FNDC3B: variants seen among roughly 807,000 people sequenced by gnomAD.
The protein encoded by FNDC3B is fibronectin type III domain containing 3B, also known as fibronectin type III domain-containing protein 3B.
FNDC3B carries 12 observed loss-of-function variants against 151.5 expected under a neutral mutation model. That is an observed-to-expected ratio of 0.08 (90% confidence interval 0.05 to 0.13). FNDC3B has a LOEUF of 0.13. FNDC3B is among the 10% of genes least tolerant of loss of function. The probability of loss-of-function intolerance (pLI) is 1.00; values close to 1 mark genes in which losing one functional copy is unlikely to be tolerated. For synonymous variants in FNDC3B, 528 were observed against 549.0 expected, an observed-to-expected ratio of 0.96 and a Z score of 0.54; for missense variants, 1,214 against 1,505.3, an observed-to-expected ratio of 0.81 and a Z score of 3.20.
At chr3:172,365,590 T>A (rs1734582100) in intron 23 of FNDC3B, among the ~76,000 whole-genome samples, 1 of 152,184 alleles carries the variant, frequency 6.6e-6, no homozygotes, top group Non-Finnish European at 1.5e-5. Context: ...ACTTTTATGT[T>A]GAAAGGATTT....
At chr3:172,053,546 C>T (rs1222178374) in intron 1 of FNDC3B, among the ~76,000 whole-genome samples, 2 of 152,118 alleles carry the variant, frequency 1.3e-5, no homozygotes, top group Admixed American at 6.5e-5. Context: ...CCAAGGCAGG[C>T]AGATCACCTG....
chr3:172,044,659 A>G (rs1716277021), intron 1 of FNDC3B, among the ~76,000 whole-genome samples: 1 of 152,196 alleles, frequency 6.6e-6, no homozygotes, highest in East Asian at 1.9e-4. Flanking sequence ...GGACCACTGT[A>G]CTATTTTCAA....
chr3:172,091,873 G>GGGGT (rs1553760105), intron 1 of FNDC3B, among the ~76,000 whole-genome samples: 5 of 124,756 alleles, frequency 4.0e-5, no homozygotes, highest in Admixed American at 1.7e-4. Flanking sequence ...ACTTTACTGG[G>GGGGT]GTGTGTGTGT....
intron 23 of FNDC3B, among the ~76,000 whole-genome samples, chr3:172,375,266 C>G (rs1735074738): frequency 6.6e-6 from 1 of 152,200 alleles, no homozygotes; most frequent in South Asian, 2.1e-4. Context: ...GATCATCTTG[C>G]ATCATTGCTC....
chr3:172,358,090 G>A (rs754770878), intron 22 of FNDC3B, among the ~76,000 whole-genome samples: 1 of 152,188 alleles, frequency 6.6e-6, no homozygotes, highest in Non-Finnish European at 1.5e-5. Context: ...CAGACACACA[G>A]GCCTTTGCAC....
At chr3:172,307,649 A>G in intron 10 of FNDC3B, 148 bp downstream of exon 10, 1 of 679,374 alleles carries the variant, frequency 1.5e-6, no homozygotes, top group South Asian at 1.8e-5. Context: ...AGCCATGATC[A>G]CGCCACTGCA....
intron 3 of FNDC3B, among the ~76,000 whole-genome samples, chr3:172,148,879 T>C (rs536348804): frequency 6.6e-6 from 1 of 152,328 alleles, no homozygotes; most frequent in South Asian, 2.1e-4. Flanking sequence ...GCGAATAGAA[T>C]GCCAGGCTCC....
intron 1 of FNDC3B, among the ~76,000 whole-genome samples, chr3:172,089,078 G>A (rs1187231962): frequency 6.6e-6 from 1 of 152,006 alleles, no homozygotes; most frequent in Non-Finnish European, 1.5e-5. Context: ...TGGATAAATG[G>A]GATTTTCAAT....
At chr3:172,298,959 A>G (rs1188946862) in intron 9 of FNDC3B, among the ~76,000 whole-genome samples, 172 bp downstream of exon 9, 1 of 152,244 alleles carries the variant, frequency 6.6e-6, no homozygotes, top group African/African-American at 2.4e-5. Flanking sequence ...GGGAAGACAC[A>G]GAAGCGCTTC....
chr3:172,307,319 C>G (rs373944556), intron 9 of FNDC3B, 44 bp from the exon 10 acceptor site: 95 of 1,608,028 alleles, frequency 5.9e-5, no homozygotes, highest in Non-Finnish European at 7.7e-5. Flanking sequence ...TCCTGGTCTT[C>G]TATGATGAGT....
chr3:172,268,403 T>C (rs1729024863), intron 6 of FNDC3B, among the ~76,000 whole-genome samples: 1 of 152,180 alleles, frequency 6.6e-6, no homozygotes, highest in Non-Finnish European at 1.5e-5. Flanking sequence ...AAAGCCCTGA[T>C]TGTATAAATA....
In FNDC3B at chr3:172,330,661, C is replaced by T; in HGVS notation, c.1500C>T (p.Gly500=). Reference sequence around the variant, plus strand: ...CGTTGCAGTGGAGTAAGCCAGAAGGCTGTTCACCCGAGGAAGTGATCACCT... The same window carrying T: ...CGTTGCAGTGGAGTAAGCCAGAAGGTTGTTCACCCGAGGAAGTGATCACCT... ...WVTLQWSKPE[G]CSPEEVITYT... Residue 500 remains glycine (G), a synonymous_variant, in exon 13 of 26, where the codon GGC becomes GGT. Transcript: ENST00000415807. The T allele has an allele frequency of 6.2e-7, 1 of 1,614,088 alleles. No individual in the cohort carries two copies. Among genetic ancestry groups the T allele is most frequent in the East Asian group, 2.2e-5 (1 of 44,878 alleles).
At chr3:172,095,510 T>A (rs1719051427) in intron 1 of FNDC3B, among the ~76,000 whole-genome samples, 1 of 152,208 alleles carries the variant, frequency 6.6e-6, no homozygotes, top group Non-Finnish European at 1.5e-5. Flanking sequence ...GTGACCCATA[T>A]CGGGTACTCA....
chr3:172,251,607 A>G, intron 6 of FNDC3B, 66 bp downstream of exon 6: 3 of 1,400,444 alleles, frequency 2.1e-6, no homozygotes, highest in Non-Finnish European at 2.9e-6. Context: ...TGATGTTTCC[A>G]CATCTTTTAC....
intron 6 of FNDC3B, among the ~76,000 whole-genome samples, chr3:172,280,505 C>G (rs996054475): frequency 6.6e-6 from 1 of 152,184 alleles, no homozygotes; most frequent in Non-Finnish European, 1.5e-5. Flanking sequence ...ATGTCAGCTC[C>G]TTGGCAGATC....
At chr3:172,334,356 A>G (rs569769312) in intron 14 of FNDC3B, among the ~76,000 whole-genome samples, 2 of 132,904 alleles carry the variant, frequency 1.5e-5, no homozygotes, top group African/African-American at 2.7e-5. Flanking sequence ...TCACAAAACA[A>G]TACAAACCAG....
intron 1 of FNDC3B, among the ~76,000 whole-genome samples, chr3:172,054,870 T>C (rs1383426367): frequency 6.6e-6 from 1 of 152,182 alleles, no homozygotes; most frequent in Non-Finnish European, 1.5e-5. Context: ...CAGATTACCA[T>C]AGCACTCAAC....
chr3:172,378,130 C>A (rs936876181), intron 23 of FNDC3B, 140 bp from the exon 24 acceptor site: 37 of 606,170 alleles, frequency 6.1e-5, no homozygotes, highest in African/African-American at 5.2e-4. Context: ...CCTAATGTAG[C>A]AACTGGCTGA....
chr3:172,058,014 T>G (rs1716998081), intron 1 of FNDC3B, among the ~76,000 whole-genome samples: 1 of 152,204 alleles, frequency 6.6e-6, no homozygotes, highest in African/African-American at 2.4e-5. Context: ...TTGAGACATT[T>G]GGCCCTAATC....
Sources: allele counts gnomAD v4.1 joint callset (sites outside exome capture counted in the v4.1 genomes callset), GRCh38; gene constraint gnomAD v4.1.1; transcripts MANE v1.5; gene names NCBI Gene and HGNC (gene_info 2026-07-23, HGNC 2026-07-21).